EMCN: variants seen among roughly 807,000 people sequenced by gnomAD.
The protein encoded by EMCN is MUC-14.
A neutral mutation model predicts 38.4 loss-of-function variants in EMCN; 37 were observed. The ratio of observed to expected loss-of-function variants is 0.96; its 90% CI spans 0.74 to 1.27. EMCN has a LOEUF of 1.27. Ranked by LOEUF, EMCN falls within the 50% of genes most tolerant of loss-of-function variation. EMCN has a pLI of 0.00. For missense variants in EMCN, 318 were observed against 302.8 expected, an observed-to-expected ratio of 1.05 and a Z score of -0.37; for synonymous variants, 95 against 100.8, an observed-to-expected ratio of 0.94 and a Z score of 0.35.
At chr4:100,472,732 A>G (rs1728509954) in intron 3 of EMCN, among the ~76,000 whole-genome samples, 1 of 152,034 alleles carries the variant, frequency 6.6e-6, no homozygotes, top group African/African-American at 2.4e-5. Context: ...AAAACTTAAT[A>G]CGAAGTAATA....
intron 11 of EMCN, among the ~76,000 whole-genome samples, chr4:100,404,123 C>T (rs1427184826): frequency 6.6e-6 from 1 of 151,816 alleles, no homozygotes; most frequent in Non-Finnish European, 1.5e-5. Context: ...TTGGAGTCTT[C>T]ATCATGAAGA....
At position 100,475,658 on chromosome 4, in the gene EMCN, CCTTTTTT is replaced by C. The variant is rs1474540343; in HGVS notation, c.188-556_188-550del. On this transcript the variant is annotated intron_variant, in intron 2 of 11. Coordinates refer to ENST00000296420, the MANE Select transcript of EMCN (RefSeq NM_016242.4). ...CTTGAGGGCAGTATCCAATTCTAGTCCTTTTTTTTTTTTTTTTTTTTTTTTTTTTTTT... is the reference window on the plus strand; with the variant it reads ...CTTGAGGGCAGTATCCAATTCTAGTCTTTTTTTTTTTTTTTTTTTTTTTTT... 1.2e-3 allele frequency among the ~76,000 whole-genome samples: 126 copies of C among 108,090 alleles called. 10 individuals carry two copies. Among genetic ancestry groups the C allele is most frequent in the African/African-American group, 2.3e-3 (62 of 27,102 alleles). The allele number at this position is 108,090 out of a possible 152,430, so 70.9% of individuals were successfully genotyped here.
intron 3 of EMCN, among the ~76,000 whole-genome samples, chr4:100,471,498 T>C (rs1435621443): frequency 2.0e-5 from 3 of 151,870 alleles, no homozygotes; most frequent in Non-Finnish European, 4.4e-5. Flanking sequence ...CCCTGGAAAA[T>C]TCTACCAAAT....
intron 11 of EMCN, among the ~76,000 whole-genome samples, chr4:100,399,207 A>G (rs1338698075): frequency 6.6e-6 from 1 of 152,192 alleles, no homozygotes; most frequent in Non-Finnish European, 1.5e-5. Context: ...ATATTGGTCT[A>G]TAAAAGAGCA....
intron 5 of EMCN, among the ~76,000 whole-genome samples, chr4:100,441,407 C>A (rs1330598700): frequency 1.3e-5 from 2 of 152,132 alleles, no homozygotes; most frequent in African/African-American, 4.8e-5. Context: ...TAAAGCTTAA[C>A]TGGGTGTCTT....
intron 1 of EMCN, among the ~76,000 whole-genome samples, chr4:100,491,768 G>A (rs1036335934): frequency 6.6e-6 from 1 of 152,206 alleles, no homozygotes; most frequent in Non-Finnish European, 1.5e-5. Context: ...GCAGAGCCCA[G>A]CCAGCTGCCT....
chr4:100,442,352 T>A (rs1015971484), intron 5 of EMCN, among the ~76,000 whole-genome samples: 2 of 152,230 alleles, frequency 1.3e-5, no homozygotes, highest in Non-Finnish European at 2.9e-5. Context: ...AGTCTGGTTA[T>A]AATGTGCCTT....
intron 1 of EMCN, among the ~76,000 whole-genome samples, chr4:100,488,945 T>A (rs1729009339): frequency 6.6e-6 from 1 of 152,190 alleles, no homozygotes; most frequent in Admixed American, 6.6e-5. Context: ...AAATGTAACT[T>A]AAATGACTGG....
At chr4:100,515,419 A>G (rs917522059) in intron 1 of EMCN, among the ~76,000 whole-genome samples, 1 of 152,126 alleles carries the variant, frequency 6.6e-6, no homozygotes, top group African/African-American at 2.4e-5. Context: ...GACTGAAAAA[A>G]TATTATACCA....
chr4:100,404,320 C>T (rs1216366220), intron 11 of EMCN, among the ~76,000 whole-genome samples: 1 of 152,112 alleles, frequency 6.6e-6, no homozygotes. Flanking sequence ...AGTCCTTTCC[C>T]CACTGCTTGT....
chr4:100,469,835 C>T (rs1366753299), intron 3 of EMCN, among the ~76,000 whole-genome samples: 2 of 152,012 alleles, frequency 1.3e-5, no homozygotes, highest in Non-Finnish European at 2.9e-5. Flanking sequence ...AACATAATGC[C>T]TCTAGCTTTG....
intron 5 of EMCN, among the ~76,000 whole-genome samples, chr4:100,427,451 C>CTTT (rs200233624): frequency 7.6e-6 from 1 of 130,968 alleles, no homozygotes; most frequent in African/African-American, 3.5e-5. Flanking sequence ...TTCTCTCTCT[C>CTTT]TCTTTTTTTT....
chr4:100,450,629 A>G (rs1727811767), intron 4 of EMCN, among the ~76,000 whole-genome samples: 1 of 151,990 alleles, frequency 6.6e-6, no homozygotes, highest in East Asian at 1.9e-4. Flanking sequence ...GAGTCATTAG[A>G]CATGAGAATA....
intron 4 of EMCN, 52 bp from the exon 5 acceptor site, chr4:100,447,623 A>C (rs1333908884): frequency 8.6e-7 from 1 of 1,159,220 alleles, no homozygotes; most frequent in Non-Finnish European, 1.3e-6. Flanking sequence ...GTTGAATATC[A>C]GATCTATTCT....
At chr4:100,499,956 T>C (rs984068986) in intron 1 of EMCN, among the ~76,000 whole-genome samples, 8 of 152,268 alleles carry the variant, frequency 5.3e-5, no homozygotes, top group South Asian at 2.1e-4. Context: ...CAGAGTATCA[T>C]TGAGAGCAAT....
chr4:100,479,988 G>C lies in EMCN; in HGVS notation c.116C>G (p.Ser39Cys). ...TGATTCTGTGTTTGGTGTTGTTATA[G>C]ATGGTTTTGTTGTAGTAACAACAAG... ...NSLVVTTTKP[S>C]ITTPNTESLQ... The change falls in exon 2 of 12, where the codon TCT becomes TGT. Residue 39 changes from serine (S) to cysteine (C), a missense_variant. Coordinates refer to ENST00000296420, the MANE Select transcript of EMCN (RefSeq NM_016242.4). The C allele has an allele frequency of 6.2e-7, 1 of 1,603,608 alleles. No individual in the cohort carries two copies. The highest frequency in any genetic ancestry group is 8.5e-7 in the Non-Finnish European group (1 of 1,177,856).
At chr4:100,512,731 G>C (rs1729658799) in intron 1 of EMCN, among the ~76,000 whole-genome samples, 1 of 151,642 alleles carries the variant, frequency 6.6e-6, no homozygotes, top group South Asian at 2.1e-4. Flanking sequence ...GCTTGAACCC[G>C]GGATGCGGAA....
At chr4:100,512,487 A>G (rs1309675809) in intron 1 of EMCN, among the ~76,000 whole-genome samples, 1 of 152,190 alleles carries the variant, frequency 6.6e-6, no homozygotes, top group Non-Finnish European at 1.5e-5. Context: ...AGGATTCAGT[A>G]CACAGGAATT....
chr4:100,412,918 C>G (rs543976989), intron 10 of EMCN, among the ~76,000 whole-genome samples: 1 of 152,256 alleles, frequency 6.6e-6, no homozygotes, highest in South Asian at 2.1e-4. Flanking sequence ...TCAAAGAACT[C>G]TCTTCCCTGG....
Sources: gnomAD v4.1 joint callset for allele counts (sites outside exome capture counted in the v4.1 genomes callset) on GRCh38, gnomAD v4.1.1 for gene constraint, MANE v1.5 for transcripts, NCBI Gene and HGNC (gene_info 2026-07-23, HGNC 2026-07-21) for gene names.